Variants in CLPB observed in about 807,000 individuals in gnomAD.
The protein encoded by CLPB is ClpB family mitochondrial disaggregase, also known as mitochondrial disaggregase.
Under a neutral mutation model 78.4 loss-of-function variants are expected in CLPB, and 40 were observed. The observed-to-expected ratio is 0.51, with a 90% CI of 0.40 to 0.66. The LOEUF is 0.66. CLPB is among the 30% of genes least tolerant of loss of function. CLPB has a pLI of 0.00. For synonymous variants in CLPB, 333 were observed against 348.0 expected (o/e 0.96, Z 0.48); for missense variants, 780 against 886.9 (o/e 0.88, Z 1.53).
chr11:72,297,636 G>GGGGTGT (rs1949573978), intron 11 of CLPB, among the ~76,000 whole-genome samples: 1 of 93,368 alleles, frequency 1.1e-5, no homozygotes, highest in Non-Finnish European at 2.5e-5. Context: ...TTGGGGACCA[G>GGGGTGT]GTGTGTGTGT....
intron 2 of CLPB, among the ~76,000 whole-genome samples, chr11:72,415,989 C>A (rs887915010): frequency 6.6e-6 from 1 of 152,170 alleles, no homozygotes; most frequent in Non-Finnish European, 1.5e-5. Context: ...GGAGCTCTGT[C>A]TCCTAAGAGT....
At chr11:72,315,305 T>TG (rs1181699693) in intron 7 of CLPB, among the ~76,000 whole-genome samples, 1 of 152,166 alleles carries the variant, frequency 6.6e-6, no homozygotes, top group Admixed American at 6.5e-5. Context: ...CTGAGGAGCA[T>TG]GGTGGGGCTT....
In CLPB at chr11:72,312,694, A is replaced by G. The variant is rs1949869040; in HGVS notation, c.989-4090T>C. Among the ~76,000 whole-genome samples the G allele has an allele frequency of 6.6e-6, 1 of 152,226 alleles. No homozygotes were observed. Among genetic ancestry groups the G allele is most frequent in the African/African-American group, 2.4e-5 (1 of 41,462 alleles). The stretch of plus-strand genomic sequence containing the variant: ...CCCAGGTAGTTACTACCACTCTTGC[A>G]TGAAGAAGGCTTCCACTTTCTTCTA... On this transcript the variant is annotated intron_variant, in intron 7 of 15. Transcript: ENST00000538039. The surrounding 1 kb of genome is among the most constrained non-coding windows in gnomAD (Gnocchi z 4.2).
chr11:72,345,353 C>T (rs1033368075), intron 5 of CLPB, among the ~76,000 whole-genome samples: 9 of 152,096 alleles, frequency 5.9e-5, no homozygotes, highest in African/African-American at 2.2e-4. Context: ...AGGAATATCT[C>T]TATGAATTTA....
chr11:72,428,938 G>A (rs1856466137), intron 2 of CLPB: 1 of 152,258 alleles, frequency 6.6e-6, no homozygotes, highest in South Asian at 2.1e-4. Context: ...CTGGGGGATG[G>A]AAGAGTGGAT....
intron 5 of CLPB, among the ~76,000 whole-genome samples, chr11:72,356,516 G>A (rs1950719240): frequency 6.6e-6 from 1 of 152,178 alleles, no homozygotes; most frequent in Non-Finnish European, 1.5e-5. Flanking sequence ...CAGGCCCTGA[G>A]TGACGGCAAC....
At chr11:72,418,854 CAA>C (rs913728201) in intron 2 of CLPB, among the ~76,000 whole-genome samples, 29 of 75,200 alleles carry the variant, frequency 3.9e-4, no homozygotes, top group Admixed American at 9.7e-4. Flanking sequence ...ACTCCATCTC[CAA>C]AAAAAAAAAA....
At chr11:72,384,928 G>A (rs1855030923) in intron 3 of CLPB, among the ~76,000 whole-genome samples, 1 of 152,156 alleles carries the variant, frequency 6.6e-6, no homozygotes, top group Admixed American at 6.5e-5. Flanking sequence ...GGGAAAGATA[G>A]ACTATACTAC....
rs759610125 is a variant in CLPB, at chr11:72,403,017, T to G, written c.491A>C (p.His164Pro). 1 of 1,613,534 alleles carries G rather than the reference T, an allele frequency of 6.2e-7. No individual in the cohort carries two copies. The highest frequency in any genetic ancestry group is 8.5e-7 in the Non-Finnish European group (1 of 1,180,034). The part of the protein sequence containing the change: ...LSEGADVNAK[H>P]RLGWTALMVA... ...CATGAGTGCTGTCCAGCCAAGTCTG[T>G]GCTTTGCATTGACATCTGCACCTTC... The change falls in exon 3 of 16, where the codon CAC (histidine) becomes CCC (proline). Residue 164 changes from histidine to proline, a missense_variant. His to Pro is a moderately conservative substitution (Grantham distance 77). Transcript: ENST00000538039.
chr11:72,324,145 G>A (rs1227642319), intron 6 of CLPB, among the ~76,000 whole-genome samples: 3 of 152,082 alleles, frequency 2.0e-5, no homozygotes, highest in Non-Finnish European at 4.4e-5. Flanking sequence ...GGAGTCTGAG[G>A]CAGGCTTTTG....
intron 6 of CLPB, among the ~76,000 whole-genome samples, chr11:72,323,032 G>T (rs1950070903): frequency 6.6e-6 from 1 of 152,164 alleles, no homozygotes; most frequent in Non-Finnish European, 1.5e-5. Context: ...TCCACCTGGA[G>T]ATAAGGAAAG....
chr11:72,294,219 A>G (rs1242745067), intron 14 of CLPB, 93 bp from the exon 15 acceptor site: 3 of 1,605,046 alleles, frequency 1.9e-6, no homozygotes, highest in East Asian at 4.5e-5. Context: ...CTGGCCCCAC[A>G]CCACTGTGCT....
intron 3 of CLPB, among the ~76,000 whole-genome samples, chr11:72,382,815 G>C (rs1854956781): frequency 6.6e-6 from 1 of 152,050 alleles, no homozygotes; most frequent in South Asian, 2.1e-4. Flanking sequence ...AACAATCAGG[G>C]AAACTTGATC....
At chr11:72,370,954 A>G (rs942130863) in intron 4 of CLPB, among the ~76,000 whole-genome samples, 1 of 152,096 alleles carries the variant, frequency 6.6e-6, no homozygotes, top group Non-Finnish European at 1.5e-5. Flanking sequence ...CTAATGTTGC[A>G]TCTTTATTGC....
At chr11:72,366,717 C>T (rs2135639063) in intron 4 of CLPB, among the ~76,000 whole-genome samples, 1 of 152,218 alleles carries the variant, frequency 6.6e-6, no homozygotes, top group Middle Eastern at 3.4e-3. Flanking sequence ...CATCTCGCAC[C>T]AGTCAGAATG....
At chr11:72,333,736 C>T (rs1331165466) in intron 5 of CLPB, among the ~76,000 whole-genome samples, 6 of 152,160 alleles carry the variant, frequency 3.9e-5, no homozygotes, top group Non-Finnish European at 5.9e-5. Flanking sequence ...GGGACTTGTT[C>T]GCCTAGCCTA....
chr11:72,407,949 TG>T (rs1855757519), intron 2 of CLPB: 1 of 612,530 alleles, frequency 1.6e-6, no homozygotes, highest in Non-Finnish European at 2.9e-6. Context: ...GCCCAGCCTC[TG>T]CCACCTACTA....
At chr11:72,433,975 A>G in intron 1 of CLPB, 97 bp downstream of exon 1, 1 of 1,435,380 alleles carries the variant, frequency 7.0e-7, no homozygotes, top group East Asian at 2.3e-5. Context: ...TTAGGCTCTA[A>G]GGATCTAAAC....
intron 2 of CLPB, among the ~76,000 whole-genome samples, chr11:72,429,961 C>G (rs1245597123): frequency 1.3e-5 from 2 of 152,202 alleles, no homozygotes; most frequent in Non-Finnish European, 2.9e-5. Flanking sequence ...TGCAACCTGT[C>G]CAGGCAGCAA....
Sources: gnomAD v4.1 joint callset for allele counts (sites outside exome capture counted in the v4.1 genomes callset) on GRCh38, gnomAD v4.1.1 for gene constraint, Gnocchi (gnomAD v3.1) non-coding constraint, MANE v1.5 for transcripts, NCBI Gene and HGNC (gene_info 2026-07-23, HGNC 2026-07-21) for gene names.